The following ZNF622 variants were observed in gnomAD, a reference collection of about 807,000 sequenced individuals.
ZNF622 encodes zinc finger protein 622, also known as cytoplasmic 60S subunit biogenesis factor ZNF622.
A neutral mutation model predicts 49.7 loss-of-function variants in ZNF622; 34 were observed. The ratio of observed to expected loss-of-function variants is 0.68; its 90% CI spans 0.52 to 0.91. The LOEUF is 0.91. Ranked by LOEUF, ZNF622 falls within the 40% of genes least tolerant of loss-of-function variation. The pLI, the probability that ZNF622 is intolerant of heterozygous loss-of-function variation, is 0.00. For missense variants in ZNF622, 569 were observed against 616.4 expected, an observed-to-expected ratio of 0.92 and a Z score of 0.81; for synonymous variants, 209 against 228.7, an observed-to-expected ratio of 0.91 and a Z score of 0.78.
rs1234159835 is a variant in ZNF622, at chr5:16,465,331, T to G, written c.335A>C (p.Lys112Thr). Residue 112 changes from lysine to threonine, a missense_variant, in exon 1 of 6, where the codon AAG becomes ACG. Physicochemically the swap from Lys to Thr is moderately conservative, Grantham distance 78. Coordinates refer to ENST00000308683, the MANE Select transcript of ZNF622 (RefSeq NM_033414.3). This position sits in a 1 kb window ranked among gnomAD's most constrained non-coding sequence, Gnocchi z 6.2. ...VNRKVEMMNE[K>T]NLEKGLGVDS... is the part of the protein sequence containing the mutation. ...CACGCCCAGTCCTTTCTCCAAGTTC[T>G]TTTCATTCATCATCTCCACTTTCCG... The G allele has an allele frequency of 6.2e-7, 1 of 1,614,278 alleles. No individual in the cohort carries two copies. The highest frequency in any genetic ancestry group is 8.5e-7 in the Non-Finnish European group (1 of 1,180,056).
At chr5:16,452,360 T>G (rs1258346791) in intron 5 of ZNF622, among the ~76,000 whole-genome samples, 1 of 152,206 alleles carries the variant, frequency 6.6e-6, no homozygotes, top group Non-Finnish European at 1.5e-5. Context: ...TCAGAATAGA[T>G]GTAAAGAGTA....
Position 16,463,074 on chromosome 5 carries a change from C to A in ZNF622, c.1049+34G>T. 1 of 1,586,746 alleles carries A rather than the reference C, an allele frequency of 6.3e-7. No homozygotes were observed. The highest frequency in any genetic ancestry group is 8.6e-7 in the Non-Finnish European group (1 of 1,169,004). On this transcript the variant is annotated intron_variant, in intron 3 of 5. Coordinates refer to ENST00000308683, the MANE Select transcript of ZNF622 (RefSeq NM_033414.3). This position sits in a 1 kb window ranked among gnomAD's most constrained non-coding sequence, Gnocchi z 4.2. ...AATAATCACTTCAAAGCAAATATGA[C>A]CTCACTTTACTTCATATTACAAACT...
Position 16,463,649 on chromosome 5 carries a change from G to C in ZNF622, c.719C>G (p.Ala240Gly). The change falls in exon 2 of 6, where the codon GCT becomes GGT. Residue 240 changes from alanine to glycine, a missense_variant. Coordinates refer to ENST00000308683, the MANE Select transcript of ZNF622 (RefSeq NM_033414.3). This position sits in a 1 kb window ranked among gnomAD's most constrained non-coding sequence, Gnocchi z 4.2. ...GGCACCAAGGGGTGGGCCTTCCTCA[G>C]CCTCTTCCTCCTCTGCATCCTGCTC... ...VVEQDAEEEE[A>G]EEGPPLGAIP... 6.2e-7 allele frequency: 1 copy of C among 1,614,208 alleles called. No individual in the cohort carries two copies. Among genetic ancestry groups the C allele is most frequent in the Non-Finnish European group, 8.5e-7 (1 of 1,180,038 alleles).
At chr5:16,456,085 T>C (rs1738019532) in intron 4 of ZNF622, among the ~76,000 whole-genome samples, 1 of 152,136 alleles carries the variant, frequency 6.6e-6, no homozygotes, top group Admixed American at 6.6e-5. Flanking sequence ...TTATAGACCA[T>C]CCACTCCTTT....
At chr5:16,462,167 T>G (rs912734520) in intron 3 of ZNF622, among the ~76,000 whole-genome samples, 1 of 152,052 alleles carries the variant, frequency 6.6e-6, no homozygotes, top group Non-Finnish European at 1.5e-5. Flanking sequence ...AGCTGCAAAA[T>G]GAGAAATCAG....
intron 3 of ZNF622, among the ~76,000 whole-genome samples, 163 bp from the exon 4 acceptor site, chr5:16,458,792 C>T (rs1561069156): frequency 1.3e-5 from 2 of 152,174 alleles, no homozygotes; most frequent in African/African-American, 2.4e-5. Flanking sequence ...GAGAAAACAA[C>T]TCGTTAGCAT....
intron 3 of ZNF622, among the ~76,000 whole-genome samples, chr5:16,460,980 T>C (rs985511033): frequency 6.6e-6 from 1 of 151,994 alleles, no homozygotes; most frequent in Non-Finnish European, 1.5e-5. Context: ...TAATATACAA[T>C]ACACACAATG....
chr5:16,465,741 C>T lies in ZNF622; in HGVS notation c.-76G>A, dbSNP rs1203474039. 8.3e-6 allele frequency: 12 copies of T among 1,451,038 alleles called. No homozygotes were observed. In the African/African-American group the frequency reaches 1.7e-4, roughly 21 times the overall value. The allele number at this position is 1,451,038 out of a possible 1,614,324, so 89.9% of individuals were successfully genotyped here. On this transcript the variant is annotated 5_prime_UTR_variant, in exon 1 of 6. Coordinates refer to ENST00000308683, the MANE Select transcript of ZNF622 (RefSeq NM_033414.3). The surrounding 1 kb of genome is among the most constrained non-coding windows in gnomAD (Gnocchi z 6.2). ...CCGTGGCCCCACAAGACCCTCAGAC[C>T]TTAACCCGCCTCAGCAGCCAGGAAG...
intron 4 of ZNF622, among the ~76,000 whole-genome samples, chr5:16,453,728 G>A (rs890476477): frequency 2.0e-5 from 3 of 151,712 alleles, no homozygotes; most frequent in Non-Finnish European, 4.4e-5. Context: ...CTCCAATGGG[G>A]ATTTTATCCA....
At chr5:16,455,457 A>G (rs1470300960) in intron 4 of ZNF622, among the ~76,000 whole-genome samples, 1 of 152,240 alleles carries the variant, frequency 6.6e-6, no homozygotes, top group Non-Finnish European at 1.5e-5. Context: ...TGACAAAAAG[A>G]AGCTTTCGAT....
Position 16,465,142 on chromosome 5 carries a change from T to C in ZNF622, c.524A>G (p.Glu175Gly). Residue 175 changes from glutamate (E) to glycine (G), a missense_variant, in exon 1 of 6, where the codon GAG becomes GGG. By Grantham distance (98) the Glu-to-Gly change is moderately conservative. Transcript: ENST00000308683. This position sits in a 1 kb window ranked among gnomAD's most constrained non-coding sequence, Gnocchi z 6.2. The stretch of plus-strand genomic sequence containing the variant: ...AAACCACTGGAGCCGGGGTGGTTTC[T>C]CACTCGGGTCTCGGTCGTGGGTCCC... Reference protein sequence around the residue: ...GRGTHDRDPSEKPPRLQWFEQ... With the variant: ...GRGTHDRDPSGKPPRLQWFEQ... The C allele has an allele frequency of 6.2e-7, 1 of 1,614,166 alleles. No homozygotes were observed. The highest frequency in any genetic ancestry group is 8.5e-7 in the Non-Finnish European group (1 of 1,180,006).
Position 16,463,338 on chromosome 5 carries a change from G to T in ZNF622, c.887-68C>A, listed in dbSNP as rs2126495113. 6.5e-7 allele frequency: 1 copy of T among 1,533,982 alleles called. No homozygotes were observed. Among genetic ancestry groups the T allele is most frequent in the Non-Finnish European group, 8.8e-7 (1 of 1,140,114 alleles). On this transcript the variant is annotated intron_variant, in intron 2 of 5. Coordinates refer to ENST00000308683, the MANE Select transcript of ZNF622 (RefSeq NM_033414.3). The surrounding 1 kb of genome is among the most constrained non-coding windows in gnomAD (Gnocchi z 4.2). ...GCAACCAGATTAAATCTCACTATTT[G>T]TCACCAAAACTCAAAAATCATTCAC...
chr5:16,452,563 C>T (rs1245308305), intron 5 of ZNF622, among the ~76,000 whole-genome samples: 1 of 152,148 alleles, frequency 6.6e-6, no homozygotes, highest in Non-Finnish European at 1.5e-5. Context: ...TTACTATCAT[C>T]TCTGTTTTAT....
In ZNF622 at chr5:16,465,784, A is replaced by G. The variant is rs1738213554; in HGVS notation, c.-119T>C. Reference sequence around the variant, plus strand: ...CCAGGAAGAGCCACTCGACACGCCGACTTCCTGATTGTCACTGAGGAAACT... The same window carrying G: ...CCAGGAAGAGCCACTCGACACGCCGGCTTCCTGATTGTCACTGAGGAAACT... On this transcript the variant is annotated 5_prime_UTR_variant, in exon 1 of 6. Transcript: ENST00000308683. The surrounding 1 kb of genome is among the most constrained non-coding windows in gnomAD (Gnocchi z 6.2). The G allele has an allele frequency of 7.5e-7, 1 of 1,340,824 alleles. No homozygotes were observed. The highest frequency in any genetic ancestry group is 1.5e-5 in the African/African-American group (1 of 68,006). 83.1% of individuals were successfully genotyped at this position (1,340,824 alleles called of 1,614,324 possible).
At chr5:16,454,241 A>T (rs1737984145) in intron 4 of ZNF622, among the ~76,000 whole-genome samples, 1 of 152,156 alleles carries the variant, frequency 6.6e-6, no homozygotes, top group African/African-American at 2.4e-5. Flanking sequence ...TAATCCCAGC[A>T]CTTTGGGAGT....
At chr5:16,455,975 G>C (rs1167830594) in intron 4 of ZNF622, among the ~76,000 whole-genome samples, 1 of 152,194 alleles carries the variant, frequency 6.6e-6, no homozygotes. Context: ...GTATTTTCTA[G>C]AACACAGGGT....
In ZNF622 at chr5:16,463,831, T is replaced by C. The variant is rs1738165287; in HGVS notation, c.626-89A>G. On this transcript the variant is annotated intron_variant, in intron 1 of 5. Transcript: ENST00000308683. The surrounding 1 kb of genome is among the most constrained non-coding windows in gnomAD (Gnocchi z 4.2). Reference sequence around the variant, plus strand: ...AAATTCACGAGGTGATACAGTCCTATATTTGGAGAAACAGCCACACCCCAA... The same window carrying C: ...AAATTCACGAGGTGATACAGTCCTACATTTGGAGAAACAGCCACACCCCAA... 7 of 1,422,254 alleles carry C rather than the reference T, an allele frequency of 4.9e-6. No individual in the cohort carries two copies. In the Admixed American group the frequency reaches 1.1e-4, roughly 21 times the overall value. The allele number at this position is 1,422,254 out of a possible 1,614,324, so 88.1% of individuals were successfully genotyped here. A position where few individuals can be genotyped will look rare whatever the true frequency, so the allele number is the denominator to read the frequency against.
Position 16,453,058 on chromosome 5 carries a change from G to A in ZNF622, c.1261C>T (p.Arg421Ter). The change falls in exon 5 of 6, where the codon CGA becomes TGA. Residue 421 changes from arginine (R) to a stop codon, truncating the protein, a stop_gained. Transcript: ENST00000308683. LOFTEE classifies it high-confidence loss of function. ...AVAKNRKAVG[R>*]VLQQYRALGW... ...AGGGCTCTGTACTGCTGAAGTACTC[G>A]GCCCACGGCCTTCCGATTTTTGGCA... 6.3e-7 allele frequency: 1 copy of A among 1,575,562 alleles called. No individual in the cohort carries two copies. Among genetic ancestry groups the A allele is most frequent in the Non-Finnish European group, 8.6e-7 (1 of 1,157,338 alleles).
rs1277448532 is a variant in ZNF622, at chr5:16,465,582, G to A, written c.84C>T (p.His28=). 3.7e-6 allele frequency: 6 copies of A among 1,613,264 alleles called. No homozygotes were observed. Among genetic ancestry groups the A allele is most frequent in the Non-Finnish European group, 5.1e-6 (6 of 1,179,638 alleles). The change falls in exon 1 of 6, where the codon CAC becomes CAT. Residue 28 remains histidine, a synonymous_variant. Transcript: ENST00000308683. This position sits in a 1 kb window ranked among gnomAD's most constrained non-coding sequence, Gnocchi z 6.2. The part of the protein sequence containing the change: ...MQRAHYKTDW[H]RYNLRRKVAS... ...CCACCTTCCGCCGCAGGTTGTAGCG[G>A]TGCCAGTCCGTCTTATAGTGGGCCC...
Sources: allele counts gnomAD v4.1 joint callset (sites outside exome capture counted in the v4.1 genomes callset), GRCh38; gene constraint gnomAD v4.1.1; non-coding constraint Gnocchi (gnomAD v3.1); transcripts MANE v1.5; gene names NCBI Gene and HGNC (gene_info 2026-07-23, HGNC 2026-07-21).